CDC42BPG: variants seen among roughly 807,000 people sequenced by gnomAD.
CDC42BPG encodes the protein CDC42 binding protein kinase gamma, also known as serine/threonine-protein kinase MRCK gamma.
A neutral mutation model predicts 192.2 loss-of-function variants in CDC42BPG; 157 were observed. The observed-to-expected ratio is 0.82, with a 90% CI of 0.72 to 0.93. The LOEUF (loss-of-function observed/expected upper bound fraction) is 0.93. Among genes scored for constraint, CDC42BPG ranks in the 40% least tolerant of loss-of-function variants. The pLI is 0.00. For synonymous variants in CDC42BPG, 981 were observed against 918.5 expected, an observed-to-expected ratio of 1.07 and a Z score of -1.23; for missense variants, 1,992 against 2,122.1, an observed-to-expected ratio of 0.94 and a Z score of 1.20.
chr11:64,844,154 A>C (rs1273525156), intron 1 of CDC42BPG, among the ~76,000 whole-genome samples: 1 of 151,784 alleles, frequency 6.6e-6, no homozygotes, highest in Non-Finnish European at 1.5e-5. Flanking sequence ...TCGATACCTG[A>C]GCACAAGTTG....
chr11:64,840,643 G>C lies in CDC42BPG; in HGVS notation c.342C>G (p.Ala114=), dbSNP rs1297121142. The stretch of plus-strand genomic sequence containing the variant: ...GCACATCCCGCTCCTCCCGGAAACA[G>C]GCTGTCTGCAGCAGGTTTGGGGAAG... ...KWEMLKRAET[A]CFREERDVLV... is the part of the protein sequence containing the mutation. The change falls in exon 4 of 37, where the codon GCC becomes GCG. Residue 114 remains alanine, a synonymous_variant. Coordinates refer to ENST00000342711, the MANE Select transcript of CDC42BPG (RefSeq NM_017525.3). 6.2e-7 allele frequency: 1 copy of C among 1,613,714 alleles called. No individual in the cohort carries two copies. Among genetic ancestry groups the C allele is most frequent in the Non-Finnish European group, 8.5e-7 (1 of 1,180,026 alleles).
chr11:64,839,866 C>T (rs531224818), intron 5 of CDC42BPG, among the ~76,000 whole-genome samples: 3 of 152,276 alleles, frequency 2.0e-5, no homozygotes, highest in Middle Eastern at 3.4e-3. Flanking sequence ...GCTTGCCACC[C>T]GAGAGCCGAG....
chr11:64,835,134 T>C lies in CDC42BPG; in HGVS notation c.1973A>G (p.Gln658Arg). The change falls in exon 17 of 37, where the codon CAG (glutamine) becomes CGG (arginine). Residue 658 changes from glutamine to arginine, a missense_variant. This residue lies in a region of CDC42BPG where 1,656 missense variants were observed against 1,844.3 expected (regional missense o/e 0.90). Coordinates refer to ENST00000342711, the MANE Select transcript of CDC42BPG (RefSeq NM_017525.3). ...EQERLEAELA[Q>R]EQESKQRLEG... ...CAGCCGCTGCTTGCTCTCCTGCTCC[T>C]GGGCCAGCTCTGCTTCTAGCTGGGG... 1.2e-6 allele frequency: 2 copies of C among 1,601,270 alleles called. No individual in the cohort carries two copies. The highest frequency in any genetic ancestry group is 2.2e-5 in the East Asian group (1 of 44,796).
Position 64,823,359 on chromosome 11 carries a change from T to A in CDC42BPG, c.*1114A>T, listed in dbSNP as rs1356055482. On this transcript the variant is annotated 3_prime_UTR_variant, in exon 37 of 37. Transcript: ENST00000342711. The stretch of plus-strand genomic sequence containing the variant: ...CCTCGGCCTCCCAAAGTGCTGGGAT[T>A]ACAGGCGTGAGCCACCGCGCCCGGC... 2 of 152,202 alleles carry A rather than the reference T, an allele frequency of 1.3e-5. No individual in the cohort carries two copies. The highest frequency in any genetic ancestry group is 4.8e-5 in the African/African-American group (2 of 41,418). 9.4% of individuals were successfully genotyped at this position (152,202 alleles called of 1,614,324 possible).
At chr11:64,842,239 T>G (rs1418798181) in intron 1 of CDC42BPG, among the ~76,000 whole-genome samples, 2 of 152,144 alleles carry the variant, frequency 1.3e-5, no homozygotes, top group African/African-American at 4.8e-5. Context: ...CAGGTCACCC[T>G]GGGGACCATG....
rs894808336 is a variant in CDC42BPG, at chr11:64,837,091, C to T, written c.1206-72G>A. 604 of 1,259,764 alleles carry T rather than the reference C, an allele frequency of 4.8e-4. 1 individual carries two copies. The highest frequency in any genetic ancestry group is 6.1e-4 in the Non-Finnish European group (523 of 860,448). 78.0% of individuals were successfully genotyped at this position (1,259,764 alleles called of 1,614,324 possible). A position where few individuals can be genotyped will look rare whatever the true frequency, so the allele number is the denominator to read the frequency against. ...CAGAGTCTCCTCCATCCTCCTGGAC[C>T]GAATCACTCATTAATTGTGAAACAG... On this transcript the variant is annotated intron_variant, in intron 9 of 36. Coordinates refer to ENST00000342711, the MANE Select transcript of CDC42BPG (RefSeq NM_017525.3).
In CDC42BPG at chr11:64,835,110, A is replaced by G. The variant is rs1416073697; in HGVS notation, c.1997T>C (p.Leu666Pro). 2 of 1,475,622 alleles carry G rather than the reference A, an allele frequency of 1.4e-6. No individual in the cohort carries two copies. Among genetic ancestry groups the G allele is most frequent in the East Asian group, 5.9e-5 (2 of 33,850 alleles). 91.4% of individuals were successfully genotyped at this position (1,475,622 alleles called of 1,614,324 possible). ...CTCCGTCTCCCGCCGCTCACCCTCC[A>G]GCCGCTGCTTGCTCTCCTGCTCCTG... ...LAQEQESKQR[L>P]EGERRETESN... is the part of the protein sequence containing the mutation. Residue 666 changes from leucine (L) to proline (P), a missense_variant, in exon 17 of 37, where the codon CTG becomes CCG. Coordinates refer to ENST00000342711, the MANE Select transcript of CDC42BPG (RefSeq NM_017525.3).
chr11:64,831,399 C>T (rs945847495), intron 28 of CDC42BPG, 106 bp downstream of exon 28: 13 of 1,061,826 alleles, frequency 1.2e-5, no homozygotes, highest in African/African-American at 4.7e-5. Flanking sequence ...GTCTGTGTCT[C>T]GTGGCTGCAG....
intron 3 of CDC42BPG, 29 bp downstream of exon 3, chr11:64,841,621 C>T: frequency 1.9e-6 from 3 of 1,587,788 alleles, no homozygotes; most frequent in African/African-American, 1.4e-5. Context: ...TTGTAGGGTG[C>T]CCAAGGGCCC....
intron 4 of CDC42BPG, 33 bp from the exon 5 acceptor site, chr11:64,840,301 G>A (rs1415985927): frequency 1.9e-6 from 3 of 1,601,686 alleles, no homozygotes; most frequent in Non-Finnish European, 2.6e-6. Flanking sequence ...AGACCCGGGG[G>A]AAGGGTGCAC....
chr11:64,825,399 G>A (rs1216310374), intron 36 of CDC42BPG, among the ~76,000 whole-genome samples: 1 of 152,138 alleles, frequency 6.6e-6, no homozygotes, highest in Non-Finnish European at 1.5e-5. Context: ...GAGCGGGGTG[G>A]CAAAGGTGGC....
rs377558027 is a variant in CDC42BPG at position 64,835,632 on chromosome 11, T to C, written c.1759-11A>G. 27 of 1,569,476 alleles carry C rather than the reference T, an allele frequency of 1.7e-5. No homozygotes were observed. The African/African-American group carries it at 1.9e-4, about 11-fold the overall frequency. The stretch of plus-strand genomic sequence containing the variant: ...GGCTGTGTGGATGGTCTTGGGGACA[T>C]GGAGGGGGTCAGGGCAGAGACCCAA... On this transcript the variant is annotated splice_polypyrimidine_tract_variant and intron_variant, in intron 14 of 36. Transcript: ENST00000342711.
chr11:64,830,210 G>C lies in CDC42BPG; in HGVS notation c.3351C>G (p.Ile1117Met). ...GATAGGTACCGTTGCTGCGCAGATG[G>C]ATGACAAAGAGCCCCTCCTCGGTGC... ...ALGTEEGLFV[I>M]HLRSNDIFQV... Residue 1117 changes from isoleucine (I) to methionine (M), a missense_variant, in exon 29 of 37, where the codon ATC becomes ATG. By Grantham distance (10) the Ile-to-Met change is conservative. Around this residue, in one of 2 missense-constraint regions of CDC42BPG, gnomAD observed 1,656 missense variants for 1,844.3 expected, o/e 0.90. Coordinates refer to ENST00000342711, the MANE Select transcript of CDC42BPG (RefSeq NM_017525.3). 6.2e-7 allele frequency: 1 copy of C among 1,613,560 alleles called. No homozygotes were observed. Among genetic ancestry groups the C allele is most frequent in the South Asian group, 1.1e-5 (1 of 90,976 alleles).
intron 8 of CDC42BPG, 92 bp downstream of exon 8, chr11:64,838,562 C>T (rs1943128281): frequency 2.0e-6 from 3 of 1,534,410 alleles, no homozygotes; most frequent in South Asian, 2.4e-5. Context: ...GGCCTCACCC[C>T]CAGCCCACCC....
rs1400750330 is a variant in CDC42BPG, at chr11:64,823,696, C to T, written c.*777G>A. The T allele has an allele frequency of 2.6e-5, 4 of 152,232 alleles. No homozygotes were observed. In the East Asian group the frequency reaches 5.8e-4, roughly 22 times the overall value. 9.4% of individuals were successfully genotyped at this position (152,232 alleles called of 1,614,324 possible). A position where few individuals can be genotyped will look rare whatever the true frequency, so the allele number is the denominator to read the frequency against. Reference sequence around the variant, plus strand: ...CCAAAAAGCCCTTATAAATACCCTCCCCATCCTGTCCCTGTCCAGGATTCT... The same window carrying T: ...CCAAAAAGCCCTTATAAATACCCTCTCCATCCTGTCCCTGTCCAGGATTCT... On this transcript the variant is annotated 3_prime_UTR_variant, in exon 37 of 37. Coordinates refer to ENST00000342711, the MANE Select transcript of CDC42BPG (RefSeq NM_017525.3).
intron 30 of CDC42BPG, 82 bp downstream of exon 30, chr11:64,829,389 C>T (rs1942575763): frequency 6.5e-7 from 1 of 1,534,034 alleles, no homozygotes; most frequent in South Asian, 1.2e-5. Flanking sequence ...CAATGCCAGG[C>T]TCATGAGTTG....
In CDC42BPG at chr11:64,831,637, G is replaced by C. The variant is rs1199608452; in HGVS notation, c.3172C>G (p.Leu1058Val). The stretch of plus-strand genomic sequence containing the variant: ...CGCTGCAGCTCACCCAGCACCTGCA[G>C]CCAGCGTTCCCGCTCCCCCTCGCTC... The part of the protein sequence containing the change: ...AESEGERERW[L>V]QVLGELQRLL... Residue 1058 changes from leucine to valine, a missense_variant, in exon 28 of 37, where the codon CTG (leucine) becomes GTG (valine). Coordinates refer to ENST00000342711, the MANE Select transcript of CDC42BPG (RefSeq NM_017525.3). The C allele has an allele frequency of 6.2e-7, 1 of 1,611,386 alleles. No individual in the cohort carries two copies. The highest frequency in any genetic ancestry group is 2.2e-5 in the East Asian group (1 of 44,882).
chr11:64,828,117 G>A (rs1300970008), intron 30 of CDC42BPG, among the ~76,000 whole-genome samples: 1 of 152,180 alleles, frequency 6.6e-6, no homozygotes, highest in Non-Finnish European at 1.5e-5. Flanking sequence ...AGCTGGTCCT[G>A]AGAGCTGCGA....
chr11:64,831,410 G>A, intron 28 of CDC42BPG, 95 bp downstream of exon 28: 1 of 1,164,870 alleles, frequency 8.6e-7, no homozygotes, highest in South Asian at 1.4e-5. Context: ...GTGGCTGCAG[G>A]GAATGGGCAG....
Sources: gnomAD v4.1 joint callset for allele counts (sites outside exome capture counted in the v4.1 genomes callset) on GRCh38, gnomAD v4.1.1 for gene constraint, gnomAD v4.1.1 regional missense constraint, MANE v1.5 for transcripts, NCBI Gene and HGNC (gene_info 2026-07-23, HGNC 2026-07-21) for gene names.